The following LANCL2 variants were observed in gnomAD, a reference collection of about 807,000 sequenced individuals.
The protein encoded by LANCL2 is lanC-like protein 2.
Under a neutral mutation model 56.9 loss-of-function variants are expected in LANCL2, and 33 were observed. The observed-to-expected ratio is 0.58, with a 90% CI of 0.44 to 0.78. The LOEUF (loss-of-function observed/expected upper bound fraction) is 0.78. LANCL2 is among the 30% of genes least tolerant of loss of function. The pLI, the probability that LANCL2 is intolerant of heterozygous loss-of-function variation, is 0.00. For missense variants in LANCL2, 562 were observed against 580.2 expected, an observed-to-expected ratio of 0.97 and a Z score of 0.32; for synonymous variants, 233 against 228.2, an observed-to-expected ratio of 1.02 and a Z score of -0.19.
chr7:55,382,983 A>T (rs1305260974), intron 1 of LANCL2, among the ~76,000 whole-genome samples: 1 of 152,196 alleles, frequency 6.6e-6, no homozygotes, highest in Non-Finnish European at 1.5e-5. Flanking sequence ...CTTGGCCAGC[A>T]TGGTGGCTCA....
At chr7:55,413,966 A>C (rs746546032) in intron 6 of LANCL2, among the ~76,000 whole-genome samples, 2 of 152,218 alleles carry the variant, frequency 1.3e-5, no homozygotes, top group Non-Finnish European at 2.9e-5. Context: ...TCCCAGCATA[A>C]ATAAATGATA....
chr7:55,404,236 C>T (rs1014120274), intron 5 of LANCL2, among the ~76,000 whole-genome samples: 1 of 152,124 alleles, frequency 6.6e-6, no homozygotes, highest in East Asian at 1.9e-4. Context: ...CCTCTGCCAC[C>T]GCCTCCTCCT....
chr7:55,406,741 C>T (rs959116370), intron 5 of LANCL2, among the ~76,000 whole-genome samples: 1 of 152,204 alleles, frequency 6.6e-6, no homozygotes, highest in Non-Finnish European at 1.5e-5. Flanking sequence ...AAGAACTCCA[C>T]TTTCATGATA....
intron 1 of LANCL2, among the ~76,000 whole-genome samples, chr7:55,386,584 G>A (rs892544949): frequency 1.3e-5 from 2 of 152,206 alleles, no homozygotes; most frequent in South Asian, 4.1e-4. Context: ...GTTGGGCACA[G>A]GAGGGCTACA....
chr7:55,428,048 C>T (rs939826918), intron 7 of LANCL2: 2 of 338,174 alleles, frequency 5.9e-6, no homozygotes, highest in African/African-American at 4.1e-5. Context: ...ATAGAGCAGG[C>T]GTTTCGAGTT....
chr7:55,428,240 C>T (rs1168806157), intron 7 of LANCL2, 135 bp from the exon 8 acceptor site: 3 of 732,606 alleles, frequency 4.1e-6, no homozygotes, highest in Non-Finnish European at 4.8e-6. Context: ...GGTGCAGTAG[C>T]CCATGGAGCC....
chr7:55,380,646 G>A (rs567936423), intron 1 of LANCL2, among the ~76,000 whole-genome samples: 1 of 151,988 alleles, frequency 6.6e-6, no homozygotes, highest in Non-Finnish European at 1.5e-5. Flanking sequence ...GAGGAGGGAG[G>A]TTCTATAGAG....
chr7:55,407,009 T>C (rs1790415179), intron 5 of LANCL2, among the ~76,000 whole-genome samples: 2 of 152,170 alleles, frequency 1.3e-5, no homozygotes, highest in Non-Finnish European at 1.5e-5. Flanking sequence ...GAAAGTGCCA[T>C]GTCCCCAGTA....
chr7:55,370,222 C>G (rs1242469411), intron 1 of LANCL2, among the ~76,000 whole-genome samples: 1 of 152,160 alleles, frequency 6.6e-6, no homozygotes, highest in Non-Finnish European at 1.5e-5. Context: ...AGGGCTGCCT[C>G]ATGACATAGT....
intron 1 of LANCL2, among the ~76,000 whole-genome samples, chr7:55,372,934 G>A (rs1420695057): frequency 1.3e-5 from 2 of 152,164 alleles, no homozygotes; most frequent in Non-Finnish European, 1.5e-5. Flanking sequence ...ATCTCTGAAA[G>A]GGCATGGAAC....
At chr7:55,399,290 A>AG (rs1438855832) in intron 3 of LANCL2, among the ~76,000 whole-genome samples, 4 of 150,990 alleles carry the variant, frequency 2.6e-5, no homozygotes, top group Non-Finnish European at 4.4e-5. Context: ...AAAGAAAGAA[A>AG]AAAAAAAAGA....
In LANCL2 at chr7:55,391,381, G is replaced by A. The variant is rs148014725; in HGVS notation, c.205-412G>A. Among the ~76,000 whole-genome samples, 35 of 152,096 alleles carry A rather than the reference G, an allele frequency of 2.3e-4. No homozygotes were observed. In the East Asian group the frequency reaches 6.8e-3, roughly 29 times the overall value. ...TTTGTATGAAGATGTTAATAATTTG[G>A]GGTCTAGTTATGTATTATGTTTATT... On this transcript the variant is annotated intron_variant, in intron 1 of 8. Coordinates refer to ENST00000254770, the MANE Select transcript of LANCL2 (RefSeq NM_018697.4).
At chr7:55,367,200 A>G (rs1256111608) in intron 1 of LANCL2, among the ~76,000 whole-genome samples, 3 of 152,248 alleles carry the variant, frequency 2.0e-5, no homozygotes, top group South Asian at 4.1e-4. Context: ...GGAATAAAAC[A>G]GAAGATTGAA....
chr7:55,415,927 T>G (rs183554187), intron 6 of LANCL2, among the ~76,000 whole-genome samples: 47 of 152,254 alleles, frequency 3.1e-4, no homozygotes, highest in Middle Eastern at 6.8e-3. Flanking sequence ...TTTATCATTG[T>G]TTTTCATCGG....
chr7:55,413,847 A>G (rs564778708), intron 6 of LANCL2, among the ~76,000 whole-genome samples: 3 of 152,370 alleles, frequency 2.0e-5, no homozygotes, highest in Admixed American at 2.0e-4. Flanking sequence ...AACATGAGGA[A>G]CGAGGAGGAA....
At chr7:55,423,576 C>T (rs1322762309) in intron 6 of LANCL2, among the ~76,000 whole-genome samples, 1 of 152,170 alleles carries the variant, frequency 6.6e-6, no homozygotes, top group African/African-American at 2.4e-5. Context: ...GTGTGTGTGC[C>T]GGCACAATAC....
rs148911224 is a variant in LANCL2, at chr7:55,412,055, C to T, written c.974C>T (p.Pro325Leu). 5.0e-6 allele frequency: 8 copies of T among 1,614,030 alleles called. No individual in the cohort carries two copies. Among genetic ancestry groups the T allele is most frequent in the Admixed American group, 1.7e-5 (1 of 59,992 alleles). The change falls in exon 6 of 9, where the codon CCG becomes CTG. Residue 325 changes from proline (P) to leucine (L), a missense_variant. This residue lies in a region of LANCL2 where 378 missense variants were observed against 468.4 expected (regional missense o/e 0.81). Coordinates refer to ENST00000254770, the MANE Select transcript of LANCL2 (RefSeq NM_018697.4). ...CTGGTGCACTGGTGCCACGGCGCCCCGGGGGTCATCCACATGCTCATGCAG... is the reference window on the plus strand; with the variant it reads ...CTGGTGCACTGGTGCCACGGCGCCCTGGGGGTCATCCACATGCTCATGCAG... The part of the protein sequence containing the change: ...DRLVHWCHGA[P>L]GVIHMLMQAY...
At position 55,374,136 on chromosome 7, in the gene LANCL2, C is replaced by G. The variant is rs147292815; in HGVS notation, c.204+7907C>G. Among the ~76,000 whole-genome samples, 6 of 152,236 alleles carry G rather than the reference C, an allele frequency of 3.9e-5. No homozygotes were observed. In the East Asian group the frequency reaches 9.6e-4, roughly 24 times the overall value. On this transcript the variant is annotated intron_variant, in intron 1 of 8. Coordinates refer to ENST00000254770, the MANE Select transcript of LANCL2 (RefSeq NM_018697.4). The stretch of plus-strand genomic sequence containing the variant: ...GAACTGTAATTACATATGTTTTGAG[C>G]CCTTGTTTGCAGTTTATTAATACAT...
intron 1 of LANCL2, among the ~76,000 whole-genome samples, chr7:55,372,799 T>G (rs1046923041): frequency 1.3e-5 from 2 of 152,252 alleles, no homozygotes; most frequent in Admixed American, 6.5e-5. Context: ...AAAGAAATGC[T>G]TATTGTCTCC....
Sources: gnomAD v4.1 joint callset for allele counts (sites outside exome capture counted in the v4.1 genomes callset) on GRCh38, gnomAD v4.1.1 for gene constraint, gnomAD v4.1.1 regional missense constraint, MANE v1.5 for transcripts, NCBI Gene and HGNC (gene_info 2026-07-23, HGNC 2026-07-21) for gene names.